The following QSOX1 variants were observed in gnomAD, a reference collection of about 807,000 sequenced individuals.
QSOX1 encodes quiescin sulfhydryl oxidase 1.
QSOX1 carries 40 observed loss-of-function variants against 76.1 expected under a neutral mutation model. The ratio of observed to expected loss-of-function variants is 0.53; its 90% confidence interval spans 0.41 to 0.68. The LOEUF is 0.68. Among genes scored for constraint, QSOX1 ranks in the 30% least tolerant of loss-of-function variants. The probability of loss-of-function intolerance (pLI) is 0.00; values close to 1 mark genes in which losing one functional copy is unlikely to be tolerated. For missense variants in QSOX1, 931 were observed against 974.3 expected, an observed-to-expected ratio of 0.96 and a Z score of 0.59; for synonymous variants, 392 against 413.1, an observed-to-expected ratio of 0.95 and a Z score of 0.62.
chr1:180,194,520 T>C, intron 11 of QSOX1, 128 bp downstream of exon 11: 1 of 866,400 alleles, frequency 1.2e-6, no homozygotes, highest in Non-Finnish European at 1.7e-6. Flanking sequence ...CCCAGGCCTG[T>C]TAACCAATGC....
chr1:180,168,557 C>T (rs1361376463), intron 2 of QSOX1, among the ~76,000 whole-genome samples: 2 of 152,210 alleles, frequency 1.3e-5, no homozygotes, highest in East Asian at 1.9e-4. Context: ...GTAAGCAATA[C>T]ACATTTTTAC....
Position 180,182,232 on chromosome 1 carries a change from AG to A in QSOX1, c.667del (p.Ala223ProfsTer4). ...GVAVRRVLNTEANVVRKFGVT... is the reference protein window; with the variant it reads ...GVAVRRVLNTXANVVRKFGVT... ...GCGGTGCGCAGGGTGCTGAACACAG[AG>A]GCCAATGTGGTGAGAAAGTTTGGTG... is the stretch of plus-strand genomic sequence containing the variant. On this transcript the variant is annotated frameshift_variant, in exon 6 of 12. Coordinates refer to ENST00000367602, the MANE Select transcript of QSOX1 (RefSeq NM_002826.5). LOFTEE classifies it high-confidence loss of function. 2 of 1,614,192 alleles carry A rather than the reference AG, an allele frequency of 1.2e-6. No homozygotes were observed. Among genetic ancestry groups the A allele is most frequent in the Non-Finnish European group, 1.7e-6 (2 of 1,180,036 alleles).
Position 180,155,069 on chromosome 1 carries a change from G to A in QSOX1, c.162G>A (p.Val54=). The change falls in exon 1 of 12, where the codon GTG becomes GTA. Residue 54 remains valine, a synonymous_variant. Coordinates refer to ENST00000367602, the MANE Select transcript of QSOX1 (RefSeq NM_002826.5). ...AGGCGGACACGGTGCGCGGCGCGGT[G>A]CTGGGCTCCCGCAGCGCCTGGGCCG... The part of the protein sequence containing the change: ...LLQADTVRGA[V]LGSRSAWAVE... 6.6e-7 allele frequency: 1 copy of A among 1,519,976 alleles called. No individual in the cohort carries two copies. Among genetic ancestry groups the A allele is most frequent in the South Asian group, 1.2e-5 (1 of 82,638 alleles). The allele number at this position is 1,519,976 out of a possible 1,614,324, so 94.2% of individuals were successfully genotyped here. A position where few individuals can be genotyped will look rare whatever the true frequency, so the allele number is the denominator to read the frequency against.
intron 6 of QSOX1, 52 bp downstream of exon 6, chr1:180,182,371 T>A (rs779879739): frequency 6.2e-7 from 1 of 1,605,076 alleles, no homozygotes; most frequent in Admixed American, 1.7e-5. Context: ...GTGCTCATCC[T>A]TCCTTCTTGC....
At chr1:180,158,747 C>G (rs943348603) in intron 1 of QSOX1, among the ~76,000 whole-genome samples, 3 of 152,160 alleles carry the variant, frequency 2.0e-5, no homozygotes, top group African/African-American at 7.2e-5. Flanking sequence ...CTGACTGGCT[C>G]TTGGTGGTTT....
intron 1 of QSOX1, among the ~76,000 whole-genome samples, chr1:180,155,396 C>T (rs1004668761): frequency 3.9e-5 from 6 of 152,154 alleles, no homozygotes; most frequent in African/African-American, 7.2e-5. Flanking sequence ...AGCTTCTTTC[C>T]CTCTCCGCGG....
intron 10 of QSOX1, among the ~76,000 whole-genome samples, chr1:180,192,511 C>T (rs948470108): frequency 1.3e-5 from 2 of 152,090 alleles, no homozygotes; most frequent in Admixed American, 6.6e-5. Context: ...TGTCAGTGTG[C>T]CCCTGGAGGA....
chr1:180,171,406 G>A (rs960628365), intron 2 of QSOX1, among the ~76,000 whole-genome samples: 2 of 151,986 alleles, frequency 1.3e-5, no homozygotes, highest in African/African-American at 2.4e-5. Context: ...AAGTGGCAAA[G>A]CAGGTTGAGA....
chr1:180,187,828 C>T (rs1024121006), intron 8 of QSOX1, among the ~76,000 whole-genome samples: 1 of 152,168 alleles, frequency 6.6e-6, no homozygotes, highest in Non-Finnish European at 1.5e-5. Context: ...GCAGAGGCAT[C>T]GGGGGCATGG....
At chr1:180,190,060 C>G (rs1558192253) in intron 9 of QSOX1, among the ~76,000 whole-genome samples, 1 of 152,226 alleles carries the variant, frequency 6.6e-6, no homozygotes, top group Non-Finnish European at 1.5e-5. Context: ...CATGGCCTCC[C>G]TGGCCCTCTC....
intron 1 of QSOX1, among the ~76,000 whole-genome samples, chr1:180,160,001 G>A (rs1163437398): frequency 6.6e-6 from 1 of 152,136 alleles, no homozygotes; most frequent in Non-Finnish European, 1.5e-5. Context: ...ATTATCATGC[G>A]TTTCTTGGAG....
intron 1 of QSOX1, among the ~76,000 whole-genome samples, chr1:180,156,013 A>G (rs551107882): frequency 6.6e-6 from 1 of 152,358 alleles, no homozygotes; most frequent in African/African-American, 2.4e-5. Context: ...GAAGGATAGG[A>G]AAAAACCACT....
rs1663053833 is a variant in QSOX1 at position 180,182,166 on chromosome 1, C to A, written c.607-8C>A. 6.2e-7 allele frequency: 1 copy of A among 1,613,586 alleles called. No individual in the cohort carries two copies. The highest frequency in any genetic ancestry group is 1.7e-5 in the Admixed American group (1 of 59,970). On this transcript the variant is annotated splice_region_variant and splice_polypyrimidine_tract_variant and intron_variant, in intron 5 of 11. Transcript: ENST00000367602. ...GCCTGGCCCCCAGATGTTCTGCTGT[C>A]CCTGCAGGTGGCTCTGGACCTGTCC...
intron 2 of QSOX1, among the ~76,000 whole-genome samples, chr1:180,169,897 C>T (rs933126426): frequency 6.6e-6 from 1 of 152,190 alleles, no homozygotes; most frequent in Admixed American, 6.5e-5. Flanking sequence ...TTTCACTGGT[C>T]AGAGAGGAGT....
At chr1:180,155,577 C>T (rs566356295) in intron 1 of QSOX1, among the ~76,000 whole-genome samples, 1 of 152,220 alleles carries the variant, frequency 6.6e-6, no homozygotes. Context: ...GGACCCATGT[C>T]ATCTTCCTGC....
intron 2 of QSOX1, among the ~76,000 whole-genome samples, chr1:180,173,477 G>A (rs1185120549): frequency 3.3e-5 from 5 of 152,132 alleles, no homozygotes; most frequent in African/African-American, 9.7e-5. Context: ...AATATGTGTG[G>A]TATGTATAAG....
chr1:180,196,249 C>G lies in QSOX1; in HGVS notation c.1469-13C>G. The G allele has an allele frequency of 2.5e-6, 4 of 1,600,700 alleles. No homozygotes were observed. The highest frequency in any genetic ancestry group is 3.4e-6 in the Non-Finnish European group (4 of 1,170,786). On this transcript the variant is annotated splice_polypyrimidine_tract_variant and intron_variant, in intron 11 of 11. Coordinates refer to ENST00000367602, the MANE Select transcript of QSOX1 (RefSeq NM_002826.5). The surrounding 1 kb of genome is among the most constrained non-coding windows in gnomAD (Gnocchi z 4.1). ...TGATGTCACCACCAGCCTGTGTATGCTTCCCTCTGTAGGTGCCCCCAGCGA... is the reference window on the plus strand; with the variant it reads ...TGATGTCACCACCAGCCTGTGTATGGTTCCCTCTGTAGGTGCCCCCAGCGA...
intron 3 of QSOX1, 89 bp from the exon 4 acceptor site, chr1:180,175,842 C>G (rs1282863066): frequency 1.9e-6 from 2 of 1,037,498 alleles, no homozygotes; most frequent in Admixed American, 2.1e-5. Flanking sequence ...TGCCCTCGGC[C>G]CTTTGTTTCT....
rs201015928 is a variant in QSOX1, at chr1:180,196,803, C to T, written c.2010C>T (p.Arg670=). The change falls in exon 12 of 12, where the codon CGC becomes CGT. Residue 670 remains arginine, a synonymous_variant. Coordinates refer to ENST00000367602, the MANE Select transcript of QSOX1 (RefSeq NM_002826.5). The surrounding 1 kb of genome is among the most constrained non-coding windows in gnomAD (Gnocchi z 4.1). The stretch of plus-strand genomic sequence containing the variant: ...TCTGGGGCCCTTTGGAGGTCAGGCG[C>T]GTGGGCCGCAGCTCCAAGCAGCTGG... ...NRLWGPLEVR[R]VGRSSKQLVD... is the part of the protein sequence containing the mutation. The T allele has an allele frequency of 9.1e-5, 147 of 1,613,170 alleles. No individual in the cohort carries two copies. Among genetic ancestry groups the T allele is most frequent in the Middle Eastern group, 3.3e-4 (2 of 6,080 alleles).
Sources: gnomAD v4.1 joint callset for allele counts (sites outside exome capture counted in the v4.1 genomes callset) on GRCh38, gnomAD v4.1.1 for gene constraint, Gnocchi (gnomAD v3.1) non-coding constraint, MANE v1.5 for transcripts, NCBI Gene and HGNC (gene_info 2026-07-23, HGNC 2026-07-21) for gene names.